Variants in GPR158 observed in about 807,000 individuals in gnomAD.
GPR158 encodes the protein G protein-coupled receptor 158, also known as metabotropic glycine receptor.
A neutral mutation model predicts 78.2 loss-of-function variants in GPR158; 30 were observed. The ratio of observed to expected loss-of-function variants is 0.38; its 90% CI spans 0.29 to 0.52. The LOEUF is 0.52. Among genes scored for constraint, GPR158 ranks in the 20% least tolerant of loss-of-function variants. GPR158 has a pLI of 0.83. For missense variants in GPR158, 1,463 were observed against 1,523.5 expected, an observed-to-expected ratio of 0.96 and a Z score of 0.66; for synonymous variants, 581 against 591.1, an observed-to-expected ratio of 0.98 and a Z score of 0.25.
rs182249315 is a variant in GPR158, at chr10:25,267,972, C to T, written c.1008+46815C>T. 3.3e-5 allele frequency among the ~76,000 whole-genome samples: 5 copies of T among 152,120 alleles called. 1 individual carries two copies. Among genetic ancestry groups the T allele is most frequent in the East Asian group, 1.9e-4 (1 of 5,176 alleles). The stretch of plus-strand genomic sequence containing the variant: ...TACTCTTAATTTTATTATCACATAT[C>T]GTCCACTATAAATATATTTACTAGA... On this transcript the variant is annotated intron_variant, in intron 2 of 10. Coordinates refer to ENST00000376351, the MANE Select transcript of GPR158 (RefSeq NM_020752.3).
At chr10:25,574,025 A>G (rs1837051785) in intron 7 of GPR158, among the ~76,000 whole-genome samples, 1 of 151,990 alleles carries the variant, frequency 6.6e-6, no homozygotes. Context: ...TTGTATAGAT[A>G]AAAAATTTCT....
At chr10:25,591,927 T>A (rs903581540) in intron 8 of GPR158, among the ~76,000 whole-genome samples, 63 of 152,004 alleles carry the variant, frequency 4.1e-4, no homozygotes, top group Admixed American at 9.9e-4. Flanking sequence ...GAGAAAGCAA[T>A]AGGCAATAAT....
At chr10:25,578,774 G>A (rs887053073) in intron 7 of GPR158, among the ~76,000 whole-genome samples, 3 of 152,106 alleles carry the variant, frequency 2.0e-5, no homozygotes, top group African/African-American at 7.2e-5. Flanking sequence ...TTGGGAGGCC[G>A]AGGCTGGCAG....
At position 25,599,159 on chromosome 10, in the gene GPR158, C is replaced by G. The variant is rs758867401; in HGVS notation, c.3533C>G (p.Thr1178Ser). 6.2e-7 allele frequency: 1 copy of G among 1,610,904 alleles called. No homozygotes were observed. The highest frequency in any genetic ancestry group is 2.2e-5 in the East Asian group (1 of 44,876). Residue 1178 changes from threonine (T) to serine (S), a missense_variant, in exon 11 of 11, where the codon ACC becomes AGC. By Grantham distance (58) the Thr-to-Ser change is moderately conservative. Coordinates refer to ENST00000376351, the MANE Select transcript of GPR158 (RefSeq NM_020752.3). ...GAGGTTTGTCCTTGGGAGTTTGAGACCCCAGCTCAACCAAATGCTGGAAGA... is the reference window on the plus strand; with the variant it reads ...GAGGTTTGTCCTTGGGAGTTTGAGAGCCCAGCTCAACCAAATGCTGGAAGA... ...RAEVCPWEFE[T>S]PAQPNAGRSV...
intron 2 of GPR158, among the ~76,000 whole-genome samples, chr10:25,286,891 C>T (rs1235149491): frequency 1.3e-5 from 2 of 152,222 alleles, no homozygotes; most frequent in African/African-American, 4.8e-5. Flanking sequence ...TTCTAAGTGT[C>T]TGCTGTGCAC....
intron 2 of GPR158, among the ~76,000 whole-genome samples, chr10:25,258,189 G>A (rs9988788): frequency 0.054 from 8,212 of 152,188 alleles, 766 homozygotes; most frequent in African/African-American, 0.19. Flanking sequence ...CTAAGTGTAA[G>A]CAACTGCTTA....
At chr10:25,567,160 A>G (rs775681496) in intron 6 of GPR158, among the ~76,000 whole-genome samples, 1 of 152,154 alleles carries the variant, frequency 6.6e-6, no homozygotes, top group Non-Finnish European at 1.5e-5. Context: ...AATAGAAGAG[A>G]TACTGCAAAA....
In GPR158 at chr10:25,430,425, G is replaced by A. The variant is rs565088960; in HGVS notation, c.1335+17952G>A. ...TAGGAAGAATCAATATCGTGAAAAT[G>A]GCCATACTTCCCAAGGTAATTTACA... is the stretch of plus-strand genomic sequence containing the variant. On this transcript the variant is annotated intron_variant, in intron 4 of 10. Transcript: ENST00000376351. 5.2e-3 allele frequency among the ~76,000 whole-genome samples: 783 copies of A among 150,588 alleles called. 10 individuals are homozygous for A. The highest frequency in any genetic ancestry group is 0.019 in the African/African-American group (756 of 40,838).
chr10:25,431,671 A>G (rs1237244379), intron 4 of GPR158, among the ~76,000 whole-genome samples: 1 of 148,248 alleles, frequency 6.7e-6, no homozygotes, highest in Admixed American at 6.7e-5. Flanking sequence ...ATGGAATACT[A>G]TGCAGCCATA....
intron 4 of GPR158, among the ~76,000 whole-genome samples, chr10:25,429,993 G>T: frequency 7.1e-6 from 1 of 140,180 alleles, no homozygotes; most frequent in East Asian, 2.0e-4. Context: ...TCAACATAGT[G>T]TTGGAAGTTC....
intron 4 of GPR158, among the ~76,000 whole-genome samples, chr10:25,425,334 T>C (rs911937067): frequency 1.3e-5 from 2 of 152,114 alleles, no homozygotes; most frequent in African/African-American, 4.8e-5. Context: ...AGCACATCCA[T>C]GCCAATGTCT....
intron 5 of GPR158, among the ~76,000 whole-genome samples, chr10:25,474,407 T>C (rs1835552755): frequency 1.3e-5 from 2 of 152,094 alleles, no homozygotes; most frequent in South Asian, 4.1e-4. Context: ...TTCTTCCTCT[T>C]TTCCTTTTCC....
intron 2 of GPR158, among the ~76,000 whole-genome samples, chr10:25,332,674 G>A (rs914001270): frequency 1.9e-4 from 29 of 152,182 alleles, no homozygotes; most frequent in East Asian, 9.7e-4. Context: ...CCATCATACC[G>A]TGCTGCCTCC....
intron 5 of GPR158, among the ~76,000 whole-genome samples, chr10:25,504,972 A>G (rs1835992155): frequency 6.6e-6 from 1 of 152,184 alleles, no homozygotes; most frequent in Non-Finnish European, 1.5e-5. Flanking sequence ...AGCACCTACT[A>G]GCTGTGCAGT....
chr10:25,412,192 T>C, intron 3 of GPR158, 58 bp from the exon 4 acceptor site: 1 of 1,165,272 alleles, frequency 8.6e-7, no homozygotes, highest in Non-Finnish European at 1.3e-6. Context: ...GACTCTATAC[T>C]CAATCTTACC....
intron 1 of GPR158, among the ~76,000 whole-genome samples, chr10:25,195,081 G>A (rs928035976): frequency 1.3e-4 from 20 of 151,052 alleles, no homozygotes; most frequent in African/African-American, 4.9e-4. Flanking sequence ...ACCATGCTAC[G>A]TTTTATTTGT....
intron 2 of GPR158, among the ~76,000 whole-genome samples, chr10:25,265,266 A>G (rs1192966249): frequency 6.6e-6 from 1 of 152,150 alleles, no homozygotes; most frequent in Non-Finnish European, 1.5e-5. Context: ...GCTAGGTGCC[A>G]TTTCTGAACT....
intron 2 of GPR158, among the ~76,000 whole-genome samples, chr10:25,381,047 A>G (rs997376980): frequency 6.6e-6 from 1 of 152,206 alleles, no homozygotes; most frequent in Non-Finnish European, 1.5e-5. Context: ...AGAGCCCTGG[A>G]AACCCCAGTT....
At chr10:25,278,059 G>C (rs1483682731) in intron 2 of GPR158, among the ~76,000 whole-genome samples, 1 of 152,158 alleles carries the variant, frequency 6.6e-6, no homozygotes, top group Non-Finnish European at 1.5e-5. Context: ...TAGGGACTGA[G>C]TTTAGCCAAA....
Sources: gnomAD v4.1 joint callset for allele counts (sites outside exome capture counted in the v4.1 genomes callset) on GRCh38, gnomAD v4.1.1 for gene constraint, MANE v1.5 for transcripts, NCBI Gene and HGNC (gene_info 2026-07-23, HGNC 2026-07-21) for gene names.